MAP3K2: variants seen among roughly 807,000 people sequenced by gnomAD.
MAP3K2 encodes mitogen-activated protein kinase kinase kinase 2.
In MAP3K2, 24 loss-of-function variants were observed where a neutral mutation model predicts 80.3. The ratio of observed to expected loss-of-function variants is 0.30; its 90% CI spans 0.22 to 0.42. The LOEUF is 0.42. Ranked by LOEUF, MAP3K2 falls within the 10% of genes least tolerant of loss-of-function variation. The pLI, the probability that MAP3K2 is intolerant of heterozygous loss-of-function variation, is 1.00. For synonymous variants in MAP3K2, 244 were observed against 253.7 expected, an observed-to-expected ratio of 0.96 and a Z score of 0.36; for missense variants, 608 against 750.1, an observed-to-expected ratio of 0.81 and a Z score of 2.21.
intron 1 of MAP3K2, among the ~76,000 whole-genome samples, chr2:127,351,182 A>G (rs571571366): frequency 6.6e-6 from 1 of 152,252 alleles, no homozygotes; most frequent in South Asian, 2.1e-4. Flanking sequence ...AATGAGCATT[A>G]TTGGGACTAC....
intron 1 of MAP3K2, among the ~76,000 whole-genome samples, chr2:127,359,110 TAGC>T (rs1178611459): frequency 6.6e-6 from 1 of 152,120 alleles, no homozygotes; most frequent in Non-Finnish European, 1.5e-5. Flanking sequence ...GATATTGTAA[TAGC>T]AGATATACAT....
intron 2 of MAP3K2, among the ~76,000 whole-genome samples, chr2:127,342,388 G>GGGGTGTGTGTGTGTGTGT (rs143219830): frequency 2.0e-5 from 3 of 147,744 alleles, no homozygotes; most frequent in African/African-American, 7.6e-5. Context: ...TCTTCATGAG[G>GGGGTGTGTGTGTGTGTGT]GTGTGTGTGT....
At chr2:127,352,601 A>G (rs1686710015) in intron 1 of MAP3K2, among the ~76,000 whole-genome samples, 2 of 152,106 alleles carry the variant, frequency 1.3e-5, no homozygotes. Context: ...ATTATATAAA[A>G]CTAGTTGTTA....
At chr2:127,314,970 G>GA in intron 14 of MAP3K2, 87 bp from the exon 15 acceptor site, 1 of 914,200 alleles carries the variant, frequency 1.1e-6, no homozygotes, top group Admixed American at 2.8e-5. Flanking sequence ...AAAGAGGGCA[G>GA]GAATTCTCAT....
At chr2:127,375,414 A>ATTTTT (rs775429874) in intron 1 of MAP3K2, among the ~76,000 whole-genome samples, 1 of 123,096 alleles carries the variant, frequency 8.1e-6, no homozygotes, top group Non-Finnish European at 1.8e-5. Flanking sequence ...TTATTTATTT[A>ATTTTT]TTTATTTTTT....
intron 1 of MAP3K2, among the ~76,000 whole-genome samples, chr2:127,351,303 T>A (rs1040900633): frequency 6.6e-6 from 1 of 152,122 alleles, no homozygotes; most frequent in Non-Finnish European, 1.5e-5. Context: ...AAAATATCCT[T>A]ATTGATAGCA....
At position 127,383,642 on chromosome 2, in the gene MAP3K2, C is replaced by T. The variant is rs566688341; in HGVS notation, c.-66+3810G>A. Among the ~76,000 whole-genome samples the T allele has an allele frequency of 5.0e-4, 76 of 152,202 alleles. No individual in the cohort carries two copies. In the South Asian group the frequency reaches 7.5e-3, roughly 15 times the overall value. On this transcript the variant is annotated intron_variant, in intron 1 of 16. Transcript: ENST00000682094. ...CAGGGAATAGGGTATTTTGACTTTTCCAACTTGGATGCATTTCCTAATTTA... is the reference window on the plus strand; with the variant it reads ...CAGGGAATAGGGTATTTTGACTTTTTCAACTTGGATGCATTTCCTAATTTA...
chr2:127,363,644 T>C (rs1686925643), intron 1 of MAP3K2, among the ~76,000 whole-genome samples: 1 of 152,240 alleles, frequency 6.6e-6, no homozygotes, highest in South Asian at 2.1e-4. Flanking sequence ...TTCCATGCTT[T>C]GTAAAAATGT....
At position 127,305,744 on chromosome 2, in the gene MAP3K2, G is replaced by C. The variant is rs1685684068; in HGVS notation, c.*1835C>G. 6.6e-6 allele frequency: 1 copy of C among 152,026 alleles called. No homozygotes were observed. The highest frequency in any genetic ancestry group is 2.4e-5 in the African/African-American group (1 of 41,414). 9.4% of individuals were successfully genotyped at this position (152,026 alleles called of 1,614,324 possible). A position where few individuals can be genotyped will look rare whatever the true frequency, so the allele number is the denominator to read the frequency against. On this transcript the variant is annotated 3_prime_UTR_variant, in exon 17 of 17. Transcript: ENST00000682094. ...TTGCTTTAACATGCTGAAAAAAACT[G>C]CAAGTGGCCAAATTGCTGATATCTT...
chr2:127,301,179 G>C lies in MAP3K2; in HGVS notation c.*6400C>G, dbSNP rs560073069. 52 of 152,304 alleles carry C rather than the reference G, an allele frequency of 3.4e-4. No individual in the cohort carries two copies. The highest frequency in any genetic ancestry group is 1.1e-3 in the African/African-American group (44 of 41,564). 9.4% of individuals were successfully genotyped at this position (152,304 alleles called of 1,614,324 possible). On this transcript the variant is annotated 3_prime_UTR_variant, in exon 17 of 17. Coordinates refer to ENST00000682094, the MANE Select transcript of MAP3K2 (RefSeq NM_001371910.2). Reference sequence around the variant, plus strand: ...TCCAAAATGTCTATGGCACAAAGCAGACATCAGTCCAGAACCTACTTTTCC... The same window carrying C: ...TCCAAAATGTCTATGGCACAAAGCACACATCAGTCCAGAACCTACTTTTCC...
At position 127,338,604 on chromosome 2, in the gene MAP3K2, A is replaced by G. The variant is rs191522001; in HGVS notation, c.123+328T>C. 5.7e-3 allele frequency among the ~76,000 whole-genome samples: 861 copies of G among 152,178 alleles called. 32 individuals carry two copies. Among genetic ancestry groups the G allele is most frequent in the Admixed American group, 0.052 (796 of 15,282 alleles). ...GTGGTATTTGGTTTTCTGTTCCTGC[A>G]TTAGTTTGCTAAGGATAATGGTCTC... On this transcript the variant is annotated intron_variant, in intron 3 of 16. Transcript: ENST00000682094.
chr2:127,342,816 T>C (rs1573994013), intron 2 of MAP3K2, among the ~76,000 whole-genome samples: 1 of 152,172 alleles, frequency 6.6e-6, no homozygotes, highest in Non-Finnish European at 1.5e-5. Context: ...GATTTGCTGC[T>C]CTATGAATGA....
At chr2:127,371,580 A>G (rs1228141108) in intron 1 of MAP3K2, among the ~76,000 whole-genome samples, 1 of 152,216 alleles carries the variant, frequency 6.6e-6, no homozygotes, top group Non-Finnish European at 1.5e-5. Flanking sequence ...GATCGCCAAC[A>G]AGCAATGCAT....
chr2:127,312,958 T>A lies in MAP3K2; in HGVS notation c.1456+1796A>T, dbSNP rs367879031. Among the ~76,000 whole-genome samples, 354 of 148,916 alleles carry A rather than the reference T, an allele frequency of 2.4e-3. 1 individual carries two copies. The highest frequency in any genetic ancestry group is 7.9e-3 in the African/African-American group (320 of 40,618). On this transcript the variant is annotated intron_variant, in intron 15 of 16. Coordinates refer to ENST00000682094, the MANE Select transcript of MAP3K2 (RefSeq NM_001371910.2). ...TCCAGCCCTGGGCAACAAGAGTGAA[T>A]CTCTCTTAAAAAAAAAAAAAATAAA...
intron 1 of MAP3K2, among the ~76,000 whole-genome samples, chr2:127,345,318 C>A (rs1030669179): frequency 1.3e-5 from 2 of 152,070 alleles, no homozygotes; most frequent in Non-Finnish European, 2.9e-5. Flanking sequence ...GCCAATACAT[C>A]AAAAAGATAT....
intron 15 of MAP3K2, among the ~76,000 whole-genome samples, chr2:127,312,988 A>G (rs934504326): frequency 2.0e-5 from 3 of 151,804 alleles, no homozygotes; most frequent in Admixed American, 1.3e-4. Context: ...AATAAAAACG[A>G]CCATCACTCA....
chr2:127,352,901 G>C lies in MAP3K2; in HGVS notation c.-65-9707C>G, dbSNP rs1246050211. On this transcript the variant is annotated intron_variant, in intron 1 of 16. Transcript: ENST00000682094. ...TTTTTGGTGGAGACGCGGTTTCGCT[G>C]TGTTGGCTGGGCTGGTCTCCAGCTC... is the stretch of plus-strand genomic sequence containing the variant. 1.3e-5 allele frequency among the ~76,000 whole-genome samples: 2 copies of C among 152,178 alleles called. 1 individual carries two copies. Among genetic ancestry groups the C allele is most frequent in the African/African-American group, 4.8e-5 (2 of 41,402 alleles).
intron 1 of MAP3K2, among the ~76,000 whole-genome samples, chr2:127,350,454 C>CAAAAAAAAAAAAAAAAAAAAAAAAAAAA (rs752516255): frequency 1.0e-5 from 1 of 99,422 alleles, no homozygotes; most frequent in African/African-American, 3.9e-5. Context: ...AAAACAAAAA[C>CAAAAAAAAAAAAAAAAAAAAAAAAAAAA]AAAAAAAAAA....
chr2:127,331,543 A>G lies in MAP3K2; in HGVS notation c.265-1038T>C, dbSNP rs988382679. On this transcript the variant is annotated intron_variant, in intron 5 of 16. Transcript: ENST00000682094. Reference sequence around the variant, plus strand: ...TCACAGTGTTAAAAGCTCAATCTGAACCCAAACCCACTAGCTGGCATGGTG... The same window carrying G: ...TCACAGTGTTAAAAGCTCAATCTGAGCCCAAACCCACTAGCTGGCATGGTG... 1.7e-4 allele frequency among the ~76,000 whole-genome samples: 26 copies of G among 152,338 alleles called. No individual in the cohort carries two copies. In the Middle Eastern group the frequency reaches 0.014, roughly 80 times the overall value.
Sources: gnomAD v4.1 joint callset for allele counts (sites outside exome capture counted in the v4.1 genomes callset) on GRCh38, gnomAD v4.1.1 for gene constraint, MANE v1.5 for transcripts, NCBI Gene and HGNC (gene_info 2026-07-23, HGNC 2026-07-21) for gene names.